The following DENND6B variants were observed in gnomAD, a reference collection of about 807,000 sequenced individuals.
DENND6B encodes DENN domain containing 6B, also known as protein DENND6B.
In DENND6B, 73 loss-of-function variants were observed where a neutral mutation model predicts 85.1. The observed-to-expected ratio is 0.86, with a 90% CI of 0.71 to 1.04. DENND6B has a LOEUF of 1.04. Among genes scored for constraint, DENND6B ranks in the 50% least tolerant of loss-of-function variants. DENND6B has a pLI of 0.00. For synonymous variants in DENND6B, 357 were observed against 329.3 expected, an observed-to-expected ratio of 1.08 and a Z score of -0.91; for missense variants, 715 against 785.8, an observed-to-expected ratio of 0.91 and a Z score of 1.08.
At position 50,316,470 on chromosome 22, in the gene DENND6B, CA is replaced by C. The variant is rs2147775666; in HGVS notation, c.458del (p.Leu153TrpfsTer17). The C allele has an allele frequency of 6.3e-7, 1 of 1,577,194 alleles. No individual in the cohort carries two copies. Among genetic ancestry groups the C allele is most frequent in the Non-Finnish European group, 8.6e-7 (1 of 1,163,244 alleles). ...CAAAGGGCAAGCGGGACACCAGCACCAAAGACTGCAGGGCCACGGGGCCAGT... is the reference window on the plus strand; with the variant it reads ...CAAAGGGCAAGCGGGACACCAGCACCAAGACTGCAGGGCCACGGGGCCAGT... ...SVKRGYFQKS[L>X]VLVSRLPFVR... On this transcript the variant is annotated frameshift_variant, in exon 6 of 20. Transcript: ENST00000413817. LOFTEE classifies it high-confidence loss of function.
intron 1 of DENND6B, 199 bp from the exon 2 acceptor site, chr22:50,319,202 G>T (rs2041962126): frequency 6.7e-7 from 1 of 1,493,028 alleles, no homozygotes; most frequent in African/African-American, 1.4e-5. Flanking sequence ...TATTCTCTGT[G>T]TTCCAACAGC....
rs1233858119 is a variant in DENND6B, at chr22:50,310,414, C to G, written c.*1725G>C. The G allele has an allele frequency of 6.6e-6, 1 of 152,260 alleles. No homozygotes were observed. Among genetic ancestry groups the G allele is most frequent in the East Asian group, 1.9e-4 (1 of 5,196 alleles). 9.4% of individuals were successfully genotyped at this position (152,260 alleles called of 1,614,324 possible). A position where few individuals can be genotyped will look rare whatever the true frequency, so the allele number is the denominator to read the frequency against. On this transcript the variant is annotated 3_prime_UTR_variant, in exon 20 of 20. Transcript: ENST00000413817. ...TAGAATGGGAACAGGGACAGGCTGT[C>G]CTGGGCTGCAGTTGGGCTGGACAAG...
Position 50,311,928 on chromosome 22 carries a change from C to T in DENND6B, c.*211G>A. The T allele has an allele frequency of 1.2e-6, 1 of 830,020 alleles. No individual in the cohort carries two copies. Among genetic ancestry groups the T allele is most frequent in the Non-Finnish European group, 1.8e-6 (1 of 552,356 alleles). 51.4% of individuals were successfully genotyped at this position (830,020 alleles called of 1,614,324 possible). A position where few individuals can be genotyped will look rare whatever the true frequency, so the allele number is the denominator to read the frequency against. On this transcript the variant is annotated 3_prime_UTR_variant, in exon 20 of 20. Coordinates refer to ENST00000413817, the MANE Select transcript of DENND6B (RefSeq NM_001001794.4). ...GTGGGACCCAGGAGGAGGCAAGGCTCTGCCTGCGAGGAACCCCTATGGTCA... is the reference window on the plus strand; with the variant it reads ...GTGGGACCCAGGAGGAGGCAAGGCTTTGCCTGCGAGGAACCCCTATGGTCA...
chr22:50,319,438 C>G, intron 1 of DENND6B: 1 of 985,438 alleles, frequency 1.0e-6, no homozygotes, highest in Non-Finnish European at 1.2e-6. Context: ...ACCCAACCAC[C>G]TCTTGCCCAG....
Position 50,310,866 on chromosome 22 carries a change from C to A in DENND6B, c.*1273G>T, listed in dbSNP as rs1569192849. On this transcript the variant is annotated 3_prime_UTR_variant, in exon 20 of 20. Transcript: ENST00000413817. ...GGCTGAGGCAGGAGAATGGCGTGAA[C>A]CCGGGAGGCAGAGCTTGCAGTGAGC... The A allele has an allele frequency of 6.6e-6, 1 of 152,104 alleles. No homozygotes were observed. The highest frequency in any genetic ancestry group is 1.5e-5 in the Non-Finnish European group (1 of 68,016). The allele number at this position is 152,104 out of a possible 1,614,324, so 9.4% of individuals were successfully genotyped here.
In DENND6B at chr22:50,310,959, G is replaced by T. The variant is rs951327298; in HGVS notation, c.*1180C>A. 6.6e-6 allele frequency: 1 copy of T among 152,144 alleles called. No homozygotes were observed. The highest frequency in any genetic ancestry group is 2.4e-5 in the African/African-American group (1 of 41,378). The allele number at this position is 152,144 out of a possible 1,614,324, so 9.4% of individuals were successfully genotyped here. A position where few individuals can be genotyped will look rare whatever the true frequency, so the allele number is the denominator to read the frequency against. On this transcript the variant is annotated 3_prime_UTR_variant, in exon 20 of 20. Transcript: ENST00000413817. ...ACTCCATTTCAAAAAGAAAAAAAAA[G>T]AAAAAGTCCCTCCCCCAGCCCTGTG...
rs1201933920 is a variant in DENND6B, at chr22:50,317,898, C to T, written c.372+10G>A. The stretch of plus-strand genomic sequence containing the variant: ...GGAGAAGCAGGCCAGAGACGCAGCC[C>T]AGTGCTCACCTGCAGTGCCACAGGG... On this transcript the variant is annotated intron_variant, in intron 4 of 19. Coordinates refer to ENST00000413817, the MANE Select transcript of DENND6B (RefSeq NM_001001794.4). 1.9e-6 allele frequency: 3 copies of T among 1,603,610 alleles called. No individual in the cohort carries two copies. The highest frequency in any genetic ancestry group is 1.3e-5 in the African/African-American group (1 of 74,874).
rs1362802117 is a variant in DENND6B, at chr22:50,316,422, T to C, written c.507A>G (p.Leu169=). 6.3e-7 allele frequency: 1 copy of C among 1,589,408 alleles called. No homozygotes were observed. The highest frequency in any genetic ancestry group is 1.1e-5 in the South Asian group (1 of 87,428). ...LPFVRLFQAL[L]SLIAPEYFDK... The stretch of plus-strand genomic sequence containing the variant: ...CAAAGTACTCGGGGGCGATGAGGCT[T>C]AGCAGCGCTTGGAACAGCCGGACAA... The change falls in exon 6 of 20, where the codon CTA becomes CTG. Residue 169 remains leucine, a synonymous_variant. Transcript: ENST00000413817.
In DENND6B at chr22:50,314,442, G is replaced by A; in HGVS notation, c.1030C>T (p.His344Tyr). Residue 344 changes from histidine to tyrosine, a missense_variant, in exon 12 of 20, where the codon CAC (histidine) becomes TAC (tyrosine). His to Tyr is a moderately conservative substitution (Grantham distance 83). Coordinates refer to ENST00000413817, the MANE Select transcript of DENND6B (RefSeq NM_001001794.4). ...TNPFFIKTLQHWPHILRVGEP... is the reference protein window; with the variant it reads ...TNPFFIKTLQYWPHILRVGEP... ...CCGACTCGGAGGATGTGGGGCCAGT[G>A]CTGGAGTGTTTTGATAAAGAAAGGG... 1 of 1,565,434 alleles carries A rather than the reference G, an allele frequency of 6.4e-7. No homozygotes were observed. Among genetic ancestry groups the A allele is most frequent in the South Asian group, 1.2e-5 (1 of 85,422 alleles).
In DENND6B at chr22:50,312,087, T is replaced by C. The variant is rs952924666; in HGVS notation, c.*52A>G. ...GCCCAGTGCCGCCACCACTGGGGAG[T>C]GGGAGGCTCAGGCAGACCTAGGGCC... On this transcript the variant is annotated 3_prime_UTR_variant, in exon 20 of 20. Coordinates refer to ENST00000413817, the MANE Select transcript of DENND6B (RefSeq NM_001001794.4). 1.3e-6 allele frequency: 2 copies of C among 1,589,892 alleles called. No homozygotes were observed. The highest frequency in any genetic ancestry group is 2.3e-5 in the South Asian group (2 of 88,536).
chr22:50,319,147 C>T lies in DENND6B; in HGVS notation c.178-144G>A, dbSNP rs1340695192. On this transcript the variant is annotated intron_variant, in intron 1 of 19. Transcript: ENST00000413817. ...GTCAGTGCCCAAGGTGCTGGCTCGC[C>T]CCCTGCTCCCTGTTCCAACAGCACG... The T allele has an allele frequency of 3.9e-6, 6 of 1,532,950 alleles. No homozygotes were observed. In the East Asian group the frequency reaches 1.2e-4, roughly 31 times the overall value. 95.0% of individuals were successfully genotyped at this position (1,532,950 alleles called of 1,614,324 possible).
chr22:50,312,630 G>A lies in DENND6B; in HGVS notation c.1458-5C>T, dbSNP rs745703933. On this transcript the variant is annotated splice_region_variant and splice_polypyrimidine_tract_variant and intron_variant, in intron 17 of 19. Coordinates refer to ENST00000413817, the MANE Select transcript of DENND6B (RefSeq NM_001001794.4). ...TGGGGGGACTTGAAAAACCGCCTGT[G>A]GGGATTAACAGGCGGGGGGCCATGG... The A allele has an allele frequency of 5.1e-6, 8 of 1,564,012 alleles. No individual in the cohort carries two copies. Among genetic ancestry groups the A allele is most frequent in the South Asian group, 2.3e-5 (2 of 85,360 alleles).
chr22:50,324,693 G>A (rs2147794742), intron 1 of DENND6B, among the ~76,000 whole-genome samples: 1 of 152,330 alleles, frequency 6.6e-6, no homozygotes, highest in Middle Eastern at 3.4e-3. Flanking sequence ...CAAAGTGCTA[G>A]GATTACAGGC....
chr22:50,324,460 T>C (rs1360949341), intron 1 of DENND6B, among the ~76,000 whole-genome samples: 1 of 152,216 alleles, frequency 6.6e-6, no homozygotes, highest in Non-Finnish European at 1.5e-5. Flanking sequence ...GTTTCACTCT[T>C]GTTGCCCAGG....
intron 1 of DENND6B, among the ~76,000 whole-genome samples, chr22:50,322,697 C>T (rs2042083624): frequency 6.6e-6 from 1 of 151,938 alleles, no homozygotes; most frequent in Non-Finnish European, 1.5e-5. Flanking sequence ...TACAGGCGTG[C>T]CACAATGCCT....
At chr22:50,317,090 T>C (rs1367241959) in intron 5 of DENND6B, 2 of 153,010 alleles carry the variant, frequency 1.3e-5, no homozygotes, top group Non-Finnish European at 2.5e-5. Context: ...GAGGACAGGG[T>C]GGGGGGGTGG....
At chr22:50,316,682 G>A (rs1310608616) in intron 5 of DENND6B, 1 of 1,487,844 alleles carries the variant, frequency 6.7e-7, no homozygotes, top group East Asian at 2.7e-5. Flanking sequence ...GAACTCCCTG[G>A]GTGGCGGCCG....
In DENND6B at chr22:50,316,006, C is replaced by T. The variant is rs748865703; in HGVS notation, c.702+19G>A. 8 of 1,612,408 alleles carry T rather than the reference C, an allele frequency of 5.0e-6. No individual in the cohort carries two copies. The highest frequency in any genetic ancestry group is 1.3e-5 in the African/African-American group (1 of 74,938). ...GTGAAGCCCAGCTGTTTCAGCTCCA[C>T]CTCCGCCTCAGCTCCCACCTCTTGG... On this transcript the variant is annotated intron_variant, in intron 8 of 19. Coordinates refer to ENST00000413817, the MANE Select transcript of DENND6B (RefSeq NM_001001794.4).
rs754947763 is a variant in DENND6B, at chr22:50,317,892, G to A, written c.372+16C>T. 1.2e-4 allele frequency: 184 copies of A among 1,598,450 alleles called. No individual in the cohort carries two copies. Among genetic ancestry groups the A allele is most frequent in the Non-Finnish European group, 1.5e-4 (174 of 1,175,924 alleles). On this transcript the variant is annotated intron_variant, in intron 4 of 19. Transcript: ENST00000413817. ...AGCAGGGGAGAAGCAGGCCAGAGAC[G>A]CAGCCCAGTGCTCACCTGCAGTGCC...
Sources: gnomAD v4.1 joint callset for allele counts (sites outside exome capture counted in the v4.1 genomes callset) on GRCh38, gnomAD v4.1.1 for gene constraint, MANE v1.5 for transcripts, NCBI Gene and HGNC (gene_info 2026-07-23, HGNC 2026-07-21) for gene names.